GNG4: variants seen among roughly 807,000 people sequenced by gnomAD.
GNG4 encodes the protein guanine nucleotide-binding protein G(I)/G(S)/G(O) subunit gamma-4.
A neutral mutation model predicts 5.8 loss-of-function variants in GNG4; 4 were observed. The ratio of observed to expected loss-of-function variants is 0.69; its 90% confidence interval spans 0.34 to 1.57. The LOEUF (loss-of-function observed/expected upper bound fraction) is 1.57, where lower values mean the gene tolerates loss of function less well. Ranked by LOEUF, GNG4 falls within the 40% of genes most tolerant of loss-of-function variation. The pLI, the probability that GNG4 is intolerant of heterozygous loss-of-function variation, is 0.06. For synonymous variants in GNG4, 29 were observed against 32.9 expected (o/e 0.88, Z 0.41); for missense variants, 96 against 95.1 (o/e 1.01, Z -0.04).
chr1:235,649,880 G>A (rs1007158911), upstream of GNG4: 8 of 149,898 alleles, frequency 5.3e-5, no homozygotes, highest in African/African-American at 1.9e-4. The surrounding 1 kb of genome is among the most constrained non-coding windows in gnomAD (Gnocchi z 5.7). Context: ...GGGCCTGGGG[G>A]CGCAGGCGGA....
intron 1 of GNG4, among the ~76,000 whole-genome samples, chr1:235,601,349 T>C (rs1688254768): frequency 6.6e-6 from 1 of 152,206 alleles, no homozygotes; most frequent in South Asian, 2.1e-4. Flanking sequence ...GCTTACTGCC[T>C]GGTGAGGGGC....
intron 3 of GNG4, among the ~76,000 whole-genome samples, chr1:235,580,047 G>A (rs1007939976): frequency 6.6e-6 from 1 of 152,140 alleles, no homozygotes; most frequent in Non-Finnish European, 1.5e-5. Context: ...ATAACAAAAT[G>A]TGGTCTATCC....
intron 1 of GNG4, among the ~76,000 whole-genome samples, chr1:235,632,020 C>T (rs555138263): frequency 2.6e-5 from 4 of 152,320 alleles, no homozygotes; most frequent in East Asian, 1.9e-4. Context: ...GGGCTGTGTG[C>T]GGAGGCTTGC....
chr1:235,576,957 G>A (rs1687498517), intron 3 of GNG4, among the ~76,000 whole-genome samples: 1 of 152,128 alleles, frequency 6.6e-6, no homozygotes, highest in African/African-American at 2.4e-5. Flanking sequence ...TCCATGAATC[G>A]TGCAAAGCTC....
chr1:235,573,312 C>T lies in GNG4; in HGVS notation c.99+10428G>A, dbSNP rs1158376089. On this transcript the variant is annotated intron_variant, in intron 3 of 3. Coordinates refer to ENST00000391854, the MANE Select transcript of GNG4 (RefSeq NM_001098722.2). ...GCACAGGATAGGGAACATCACACACCGGGGCCTGTCAAGGGGTGGGGGGAG... is the reference window on the plus strand; with the variant it reads ...GCACAGGATAGGGAACATCACACACTGGGGCCTGTCAAGGGGTGGGGGGAG... 7.2e-5 allele frequency among the ~76,000 whole-genome samples: 8 copies of T among 110,580 alleles called. No homozygotes were observed. The East Asian group carries it at 2.0e-3, about 28-fold the overall frequency. The allele number at this position is 110,580 out of a possible 152,430, so 72.5% of individuals were successfully genotyped here.
At chr1:235,609,843 C>T (rs1296951944) in intron 1 of GNG4, among the ~76,000 whole-genome samples, 1 of 151,836 alleles carries the variant, frequency 6.6e-6, no homozygotes, top group South Asian at 2.1e-4. Context: ...TCATTGCACA[C>T]CAGCCTGAAT....
rs886354558 is a variant in GNG4, at chr1:235,644,936, G to C, written c.-123+4726C>G. On this transcript the variant is annotated intron_variant, in intron 1 of 3. Transcript: ENST00000391854. The surrounding 1 kb of genome is among the most constrained non-coding windows in gnomAD (Gnocchi z 5.9). ...GAAGACAGAGACCACTGATGAGGAA[G>C]GGGAGATGCAGCAGCAGACACTCCG... is the stretch of plus-strand genomic sequence containing the variant. Among the ~76,000 whole-genome samples, 8 of 152,154 alleles carry C rather than the reference G, an allele frequency of 5.3e-5. No homozygotes were observed. The highest frequency in any genetic ancestry group is 1.9e-4 in the African/African-American group (8 of 41,438).
chr1:235,643,488 A>C (rs1254035645), intron 1 of GNG4, among the ~76,000 whole-genome samples: 1 of 152,192 alleles, frequency 6.6e-6, no homozygotes, highest in Non-Finnish European at 1.5e-5. Flanking sequence ...TCTGGAGTGC[A>C]TGACCATATC....
intron 1 of GNG4, among the ~76,000 whole-genome samples, chr1:235,626,888 G>A (rs1688821952): frequency 6.9e-6 from 1 of 145,560 alleles, no homozygotes; most frequent in African/African-American, 2.6e-5. Flanking sequence ...GAACCCAGGA[G>A]GTGGAGTTTG....
intron 3 of GNG4, among the ~76,000 whole-genome samples, chr1:235,554,559 C>T (rs1686840655): frequency 6.6e-6 from 1 of 152,118 alleles, no homozygotes; most frequent in Admixed American, 6.5e-5. Flanking sequence ...TTAAGAATGG[C>T]TCGGCTGGAC....
At position 235,620,825 on chromosome 1, in the gene GNG4, G is replaced by A. The variant is rs1218746992; in HGVS notation, c.-122-25314C>T. ...GCTGGGATTACAGGCGTGAGCCACT[G>A]CGCCCGGCCAAATGTGCTGTTTTAA... On this transcript the variant is annotated intron_variant, in intron 1 of 3. Coordinates refer to ENST00000391854, the MANE Select transcript of GNG4 (RefSeq NM_001098722.2). 2.6e-5 allele frequency among the ~76,000 whole-genome samples: 4 copies of A among 152,150 alleles called. No homozygotes were observed. The East Asian group carries it at 5.8e-4, about 22-fold the overall frequency.
At chr1:235,629,040 T>TG (rs1416038044) in intron 1 of GNG4, among the ~76,000 whole-genome samples, 12 of 150,340 alleles carry the variant, frequency 8.0e-5, no homozygotes, top group African/African-American at 3.0e-4. Context: ...TTTTTAGAGA[T>TG]GGGGTCTCAC....
At chr1:235,588,393 T>G (rs113761654) in intron 2 of GNG4, among the ~76,000 whole-genome samples, 5 of 152,094 alleles carry the variant, frequency 3.3e-5, no homozygotes, top group Non-Finnish European at 7.4e-5. Flanking sequence ...CGACCCCAGC[T>G]TCTCCCTCAG....
At chr1:235,588,150 C>T (rs1687870844) in intron 2 of GNG4, among the ~76,000 whole-genome samples, 1 of 152,082 alleles carries the variant, frequency 6.6e-6, no homozygotes, top group Admixed American at 6.5e-5. Context: ...ATGCCCTACC[C>T]TCTCCGCAGA....
intron 1 of GNG4, among the ~76,000 whole-genome samples, chr1:235,618,060 T>G (rs894151472): frequency 2.0e-5 from 3 of 152,148 alleles, no homozygotes; most frequent in African/African-American, 7.2e-5. Context: ...ACTGGTAGAA[T>G]TGGAATGCAG....
chr1:235,627,023 C>CTGTCTT, intron 1 of GNG4, among the ~76,000 whole-genome samples: 1 of 133,616 alleles, frequency 7.5e-6, no homozygotes, highest in Non-Finnish European at 1.6e-5. Context: ...AAATTAGAGA[C>CTGTCTT]TGTCTTTGGG....
At chr1:235,553,537 G>A (rs1230146337) in intron 3 of GNG4, among the ~76,000 whole-genome samples, 2 of 152,154 alleles carry the variant, frequency 1.3e-5, no homozygotes, top group Non-Finnish European at 2.9e-5. Flanking sequence ...ATTCCCTTCT[G>A]GGTTTTAAAA....
intron 2 of GNG4, among the ~76,000 whole-genome samples, chr1:235,594,436 T>C (rs58512311): frequency 0.21 from 32,205 of 152,126 alleles, 3,860 homozygotes; most frequent in Middle Eastern, 0.3. Flanking sequence ...GCGCCCACAC[T>C]CCTCAGCCCT....
At chr1:235,621,669 G>A (rs1301114080) in intron 1 of GNG4, among the ~76,000 whole-genome samples, 1 of 140,092 alleles carries the variant, frequency 7.1e-6, no homozygotes, top group East Asian at 2.2e-4. Flanking sequence ...CAATTCCACT[G>A]CAGTATTTTA....
Sources: gnomAD v4.1 joint callset for allele counts (sites outside exome capture counted in the v4.1 genomes callset) on GRCh38, gnomAD v4.1.1 for gene constraint, Gnocchi (gnomAD v3.1) non-coding constraint, MANE v1.5 for transcripts, NCBI Gene and HGNC (gene_info 2026-07-23, HGNC 2026-07-21) for gene names.